Variants in SYN3 observed in about 807,000 individuals in gnomAD.
SYN3 encodes synapsin III, also known as synapsin-3.
Under a neutral mutation model 65.8 loss-of-function variants are expected in SYN3, and 35 were observed. The observed-to-expected ratio is 0.53, with a 90% confidence interval of 0.41 to 0.70. The LOEUF (loss-of-function observed/expected upper bound fraction) is 0.70, where lower values mean the gene tolerates loss of function less well. Ranked by LOEUF, SYN3 falls within the 30% of genes least tolerant of loss-of-function variation. SYN3 has a pLI of 0.00. For synonymous variants in SYN3, 270 were observed against 292.9 expected (o/e 0.92, Z 0.80); for missense variants, 680 against 749.0 (o/e 0.91, Z 1.08).
chr22:32,672,926 C>CAT (rs1347217234), intron 6 of SYN3, among the ~76,000 whole-genome samples: 1 of 152,184 alleles, frequency 6.6e-6, no homozygotes, highest in Non-Finnish European at 1.5e-5. Context: ...GCCACTGACA[C>CAT]TGATGTGGGC....
chr22:33,046,516 G>T (rs976621308), intron 1 of SYN3, among the ~76,000 whole-genome samples: 1 of 151,930 alleles, frequency 6.6e-6, no homozygotes, highest in Non-Finnish European at 1.5e-5. Context: ...TCAGGAGTTC[G>T]AGACCAGCCT....
At chr22:32,593,729 G>C (rs1425716278) in intron 7 of SYN3, among the ~76,000 whole-genome samples, 3 of 152,138 alleles carry the variant, frequency 2.0e-5, no homozygotes, top group Non-Finnish European at 4.4e-5. Context: ...CTGGATATAA[G>C]AGCCTGATGC....
chr22:32,651,564 T>TTGAATGAACGAATGAA (rs2060071147), intron 6 of SYN3, among the ~76,000 whole-genome samples: 1 of 150,960 alleles, frequency 6.6e-6, no homozygotes, highest in African/African-American at 2.5e-5. Flanking sequence ...GGATGCATGC[T>TTGAATGAACGAATGAA]TGAATGAATG....
At chr22:32,694,133 G>T (rs1431886208) in intron 6 of SYN3, among the ~76,000 whole-genome samples, 3 of 151,692 alleles carry the variant, frequency 2.0e-5, no homozygotes, top group African/African-American at 7.2e-5. Context: ...TGATTTGGAA[G>T]GTTTATAGTC....
Position 32,844,859 on chromosome 22 carries a change from C to T in SYN3, c.711+20056G>A, listed in dbSNP as rs563947345. Reference sequence around the variant, plus strand: ...CTGAGTAGCTGAGACTACAGATACACGGCACCATGCCTGGCTAATTGTTTT... The same window carrying T: ...CTGAGTAGCTGAGACTACAGATACATGGCACCATGCCTGGCTAATTGTTTT... On this transcript the variant is annotated intron_variant, in intron 6 of 13. Transcript: ENST00000358763. 9.2e-5 allele frequency among the ~76,000 whole-genome samples: 14 copies of T among 152,034 alleles called. No homozygotes were observed. The East Asian group carries it at 1.7e-3, about 19-fold the overall frequency.
At chr22:32,960,010 T>C (rs772005729) in intron 3 of SYN3, among the ~76,000 whole-genome samples, 2 of 152,250 alleles carry the variant, frequency 1.3e-5, no homozygotes, top group Non-Finnish European at 2.9e-5. Context: ...TAAAATTTAA[T>C]TGGAAACAAA....
intron 2 of SYN3, among the ~76,000 whole-genome samples, chr22:32,989,959 G>T (rs892137465): frequency 1.3e-5 from 2 of 151,698 alleles, no homozygotes; most frequent in African/African-American, 4.8e-5. Context: ...TCATACCACA[G>T]AAAGGGTTAA....
intron 6 of SYN3, among the ~76,000 whole-genome samples, chr22:32,679,839 C>CTTTTTTTTTTTTTTTTGTTTTTTTTT (rs2060498296): frequency 2.6e-5 from 1 of 39,150 alleles, no homozygotes; most frequent in African/African-American, 9.1e-5. Flanking sequence ...TGTTTTTTGG[C>CTTTTTTTTTTTTTTTTGTTTTTTTTT]TTTTTTTTTT....
At chr22:32,667,587 C>T (rs1160729478) in intron 6 of SYN3, among the ~76,000 whole-genome samples, 1 of 152,120 alleles carries the variant, frequency 6.6e-6, no homozygotes, top group African/African-American at 2.4e-5. Flanking sequence ...AGGGGATGCA[C>T]ATTTTTATTT....
In SYN3 at chr22:33,058,365, C is replaced by G. The variant is rs910151452; in HGVS notation, c.-236G>C. The G allele has an allele frequency of 2.0e-5, 3 of 151,502 alleles. No individual in the cohort carries two copies. The highest frequency in any genetic ancestry group is 7.3e-5 in the African/African-American group (3 of 41,336). The allele number at this position is 151,502 out of a possible 1,614,324, so 9.4% of individuals were successfully genotyped here. Reference sequence around the variant, plus strand: ...CCCGCCAGTCGATCCGCTCCGGGTCCCGGGAGCTCAGCCTCTGCCCCTCAA... The same window carrying G: ...CCCGCCAGTCGATCCGCTCCGGGTCGCGGGAGCTCAGCCTCTGCCCCTCAA... On this transcript the variant is annotated 5_prime_UTR_variant, in exon 1 of 14. Transcript: ENST00000358763.
intron 6 of SYN3, 150 bp from the exon 7 acceptor site, chr22:32,596,886 C>A: frequency 1.3e-6 from 1 of 765,102 alleles, no homozygotes; most frequent in Non-Finnish European, 2.1e-6. Context: ...CCAGCCATGG[C>A]CCAAACACCC....
intron 6 of SYN3, among the ~76,000 whole-genome samples, chr22:32,727,905 G>T (rs2061218249): frequency 6.6e-6 from 1 of 152,088 alleles, no homozygotes; most frequent in Non-Finnish European, 1.5e-5. Flanking sequence ...TAGATTGCAA[G>T]AACTTTCTCC....
intron 6 of SYN3, among the ~76,000 whole-genome samples, chr22:32,725,890 T>G (rs2061183921): frequency 1.3e-5 from 2 of 152,242 alleles, no homozygotes; most frequent in Admixed American, 1.3e-4. Flanking sequence ...AGCTCTATTC[T>G]CCGCTATGTG....
Position 32,794,473 on chromosome 22 carries a change from A to G in SYN3, c.711+70442T>C, listed in dbSNP as rs966133024. ...TTCTGGACCCAAGGAGCTGGATTCC[A>G]GAACCTCTGTTGGGGTGAATGTGTG... On this transcript the variant is annotated intron_variant, in intron 6 of 13. Coordinates refer to ENST00000358763, the MANE Select transcript of SYN3 (RefSeq NM_003490.4). 8.5e-5 allele frequency among the ~76,000 whole-genome samples: 13 copies of G among 152,210 alleles called. 1 individual carries two copies. Among genetic ancestry groups the G allele is most frequent in the Admixed American group, 2.0e-4 (3 of 15,284 alleles).
intron 6 of SYN3, among the ~76,000 whole-genome samples, chr22:32,706,015 G>A (rs557204195): frequency 6.6e-6 from 1 of 152,354 alleles, no homozygotes; most frequent in South Asian, 2.1e-4. Context: ...AACAGGGATA[G>A]CTTGACTTCC....
At chr22:32,940,919 A>G (rs1258945613) in intron 3 of SYN3, among the ~76,000 whole-genome samples, 1 of 152,184 alleles carries the variant, frequency 6.6e-6, no homozygotes, top group African/African-American at 2.4e-5. Flanking sequence ...GCTCACTGCA[A>G]AATACACATG....
chr22:32,538,636 T>C (rs1348679943), intron 8 of SYN3, among the ~76,000 whole-genome samples: 5 of 152,154 alleles, frequency 3.3e-5, no homozygotes, highest in African/African-American at 1.2e-4. Context: ...TGCCCATGGC[T>C]CTTTCCCAAT....
intron 6 of SYN3, among the ~76,000 whole-genome samples, chr22:32,603,896 G>A (rs138860002): frequency 6.6e-5 from 10 of 152,354 alleles, no homozygotes; most frequent in South Asian, 2.1e-4. Flanking sequence ...CTGACATCCT[G>A]TCAGAAGGGG....
chr22:33,028,344 G>C (rs1034830295), intron 1 of SYN3, among the ~76,000 whole-genome samples: 1 of 152,176 alleles, frequency 6.6e-6, no homozygotes, highest in African/African-American at 2.4e-5. Context: ...GCCTAGCCCC[G>C]AAGCCATCTG....
Sources: gnomAD v4.1 joint callset for allele counts (sites outside exome capture counted in the v4.1 genomes callset) on GRCh38, gnomAD v4.1.1 for gene constraint, MANE v1.5 for transcripts, NCBI Gene and HGNC (gene_info 2026-07-23, HGNC 2026-07-21) for gene names.